The following RBFOX3 variants were observed in gnomAD, a reference collection of about 807,000 sequenced individuals.
The protein encoded by RBFOX3 is RNA binding protein fox-1 homolog 3.
A neutral mutation model predicts 48.7 loss-of-function variants in RBFOX3; 17 were observed. That is an observed-to-expected ratio of 0.35 (90% CI 0.24 to 0.52). RBFOX3 has a LOEUF of 0.52. Among genes scored for constraint, RBFOX3 ranks in the 20% least tolerant of loss-of-function variants. The pLI is 0.94. For synonymous variants in RBFOX3, 212 were observed against 209.5 expected (o/e 1.01, Z -0.10); for missense variants, 382 against 497.5 (o/e 0.77, Z 2.21).
At chr17:79,532,891 CTCT>C (rs1555787798) in intron 1 of RBFOX3, among the ~76,000 whole-genome samples, 1 of 152,224 alleles carries the variant, frequency 6.6e-6, no homozygotes, top group Admixed American at 6.5e-5. Context: ...GTCGAAACTG[CTCT>C]CAGCAGGTAG....
chr17:79,661,333 C>A, the RBFOX3 span, among the ~76,000 whole-genome samples: 17 of 152,096 alleles, frequency 1.1e-4, no homozygotes, highest in Non-Finnish European at 2.1e-4. Context: ...TTCCATCTTG[C>A]CCATTTCTGA....
At chr17:79,108,687 G>C (rs144324856) in intron 5 of RBFOX3, among the ~76,000 whole-genome samples, 19 of 152,366 alleles carry the variant, frequency 1.2e-4, no homozygotes, top group Non-Finnish European at 2.5e-4. Context: ...TTTCTGGAAG[G>C]ACAGGCTGCT....
intron 2 of RBFOX3, among the ~76,000 whole-genome samples, chr17:79,478,150 G>A (rs926859338): frequency 1.3e-5 from 2 of 152,204 alleles, no homozygotes; most frequent in South Asian, 2.1e-4. Context: ...CAGCCCTCAA[G>A]GGTGCCATGC....
Position 79,519,445 on chromosome 17 carries a change from G to A in RBFOX3, c.-319-36847C>T, listed in dbSNP as rs1348956540. Among the ~76,000 whole-genome samples the A allele has an allele frequency of 5.9e-5, 9 of 152,222 alleles. 1 individual carries two copies. Among genetic ancestry groups the A allele is most frequent in the Admixed American group, 5.2e-4 (8 of 15,294 alleles). The stretch of plus-strand genomic sequence containing the variant: ...GACCGAGCTAGCCAGGACCAGGGTG[G>A]GTACGGGGAACAGAGCCCCTCAAGA... On this transcript the variant is annotated intron_variant, in intron 1 of 14. Coordinates refer to ENST00000693108, the MANE Select transcript of RBFOX3 (RefSeq NM_001350451.2).
At chr17:79,449,005 C>G (rs1186339015) in intron 2 of RBFOX3, among the ~76,000 whole-genome samples, 2 of 152,094 alleles carry the variant, frequency 1.3e-5, no homozygotes, top group Admixed American at 1.3e-4. Flanking sequence ...TGGACCCTCA[C>G]GTCTGCCTGC....
At chr17:79,279,558 A>G (rs1237312777) in intron 3 of RBFOX3, among the ~76,000 whole-genome samples, 7 of 152,194 alleles carry the variant, frequency 4.6e-5, no homozygotes, top group South Asian at 2.1e-4. Flanking sequence ...GGCATGACCC[A>G]GTCCAAATAA....
chr17:79,485,780 C>G (rs7212860), intron 1 of RBFOX3, among the ~76,000 whole-genome samples: 99,867 of 152,220 alleles, frequency 0.66, 32,959 homozygotes, highest in East Asian at 0.78. Flanking sequence ...CCCCTGCCTG[C>G]GCTCGAGCCT....
chr17:79,378,624 G>A (rs553200408), intron 2 of RBFOX3, among the ~76,000 whole-genome samples: 4 of 152,212 alleles, frequency 2.6e-5, no homozygotes, highest in African/African-American at 9.6e-5. Context: ...CTGTGTGGGG[G>A]GCCCGGAAAA....
intron 2 of RBFOX3, among the ~76,000 whole-genome samples, chr17:79,355,129 C>T (rs1298523508): frequency 2.0e-5 from 3 of 152,182 alleles, no homozygotes; most frequent in Non-Finnish European, 2.9e-5. Flanking sequence ...AAAACATGAC[C>T]GTGTAATCAA....
Position 79,194,753 on chromosome 17 carries a change from GGT to G in RBFOX3, c.-34+41011_-34+41012del, listed in dbSNP as rs56182116. 1.1e-3 allele frequency among the ~76,000 whole-genome samples: 167 copies of G among 149,118 alleles called. 3 individuals are homozygous for G. Among genetic ancestry groups the G allele is most frequent in the Middle Eastern group, 6.9e-3 (2 of 288 alleles). ...AATTGAGACACTCCCTGTGTGTGTGGGTGTGTGTGTGTGTGTGTGTGTGTGTG... is the reference window on the plus strand; with the variant it reads ...AATTGAGACACTCCCTGTGTGTGTGGGTGTGTGTGTGTGTGTGTGTGTGTG... On this transcript the variant is annotated intron_variant, in intron 4 of 14. Coordinates refer to ENST00000693108, the MANE Select transcript of RBFOX3 (RefSeq NM_001350451.2).
chr17:79,185,442 G>T (rs1261095042), intron 4 of RBFOX3, among the ~76,000 whole-genome samples: 2 of 152,144 alleles, frequency 1.3e-5, no homozygotes, highest in African/African-American at 4.8e-5. Context: ...CCTGAGCCTC[G>T]CAGAAGGGCT....
chr17:79,250,253 A>C lies in RBFOX3; in HGVS notation c.-73-14448T>G, dbSNP rs547516126. Among the ~76,000 whole-genome samples the C allele has an allele frequency of 1.6e-3, 251 of 152,284 alleles. 1 individual carries two copies. Among genetic ancestry groups the C allele is most frequent in the African/African-American group, 5.8e-3 (240 of 41,548 alleles). ...CATGTCCCGGTGAACGTCCATCTGC[A>C]ACTAACCCACATTGACAAGCAGCTA... On this transcript the variant is annotated intron_variant, in intron 3 of 14. Coordinates refer to ENST00000693108, the MANE Select transcript of RBFOX3 (RefSeq NM_001350451.2).
At chr17:79,093,839 C>T (rs752086686) in intron 14 of RBFOX3, among the ~76,000 whole-genome samples, 7 of 147,944 alleles carry the variant, frequency 4.7e-5, no homozygotes, top group Non-Finnish European at 1.1e-4. Context: ...AGACACGCCA[C>T]GCCGCGCACC....
intron 3 of RBFOX3, among the ~76,000 whole-genome samples, chr17:79,240,235 G>A (rs1323910351): frequency 6.6e-6 from 1 of 152,208 alleles, no homozygotes; most frequent in South Asian, 2.1e-4. Flanking sequence ...GAAATGAAAA[G>A]CACATGTGTT....
intron 1 of RBFOX3, among the ~76,000 whole-genome samples, chr17:79,517,458 AAAAC>A (rs1195341693): frequency 1.3e-5 from 2 of 151,420 alleles, no homozygotes; most frequent in Non-Finnish European, 2.9e-5. Flanking sequence ...AAAAAAAAAA[AAAAC>A]AAACAAAAAC....
At chr17:79,503,629 G>A (rs1399909026) in intron 1 of RBFOX3, among the ~76,000 whole-genome samples, 3 of 152,274 alleles carry the variant, frequency 2.0e-5, no homozygotes, top group Non-Finnish European at 2.9e-5. Context: ...CGTGTGGCTC[G>A]GGGCTGCCAC....
intron 1 of RBFOX3, among the ~76,000 whole-genome samples, chr17:79,579,978 G>C (rs2093000807): frequency 6.6e-6 from 1 of 151,736 alleles, no homozygotes; most frequent in Non-Finnish European, 1.5e-5. Flanking sequence ...GGGTCGGGGA[G>C]TCACTGGCTG....
At chr17:79,518,886 C>T (rs923065449) in intron 1 of RBFOX3, among the ~76,000 whole-genome samples, 4 of 152,222 alleles carry the variant, frequency 2.6e-5, no homozygotes, top group Non-Finnish European at 5.9e-5. Flanking sequence ...ATTGTTTTCC[C>T]GTCGTAGGGA....
At chr17:79,488,651 G>A (rs1380621259) in intron 1 of RBFOX3, among the ~76,000 whole-genome samples, 1 of 152,226 alleles carries the variant, frequency 6.6e-6, no homozygotes, top group Non-Finnish European at 1.5e-5. Context: ...CTCACAGGAA[G>A]TGTCTACTAT....
Sources: allele counts gnomAD v4.1 joint callset (sites outside exome capture counted in the v4.1 genomes callset), GRCh38; gene constraint gnomAD v4.1.1; transcripts MANE v1.5; gene names NCBI Gene and HGNC (gene_info 2026-07-23, HGNC 2026-07-21).